Variants in POLA1 observed in about 807,000 individuals in gnomAD.
POLA1 encodes the protein DNA polymerase alpha 1, catalytic subunit, also known as DNA polymerase alpha catalytic subunit.
POLA1 carries 15 observed loss-of-function variants against 124.0 expected under a neutral mutation model. The ratio of observed to expected loss-of-function variants is 0.12; its 90% confidence interval spans 0.08 to 0.19. The LOEUF (loss-of-function observed/expected upper bound fraction) is 0.19. Ranked by LOEUF, POLA1 falls within the 10% of genes least tolerant of loss-of-function variation. The pLI, the probability that POLA1 is intolerant of heterozygous loss-of-function variation, is 1.00. For synonymous variants in POLA1, 408 were observed against 389.4 expected (o/e 1.05, Z -0.56); for missense variants, 886 against 1,103.4 (o/e 0.80, Z 2.79).
At chrX:24,866,295 A>G (rs2046794047) in intron 34 of POLA1, among the ~76,000 whole-genome samples, 3 of 112,034 alleles carry the variant, frequency 2.7e-5, no homozygotes, top group African/African-American at 6.5e-5. Context: ...AGTGGCCCGT[A>G]GCTTACCACT....
At chrX:24,694,084 C>T in intron 1 of POLA1, 80 bp downstream of exon 1, 1 of 954,077 alleles carries the variant, frequency 1.0e-6, no homozygotes, top group Non-Finnish European at 1.4e-6. Flanking sequence ...GAGGGAGGCG[C>T]ACACCCGGGT....
chrX:24,726,982 A>G lies in POLA1; in HGVS notation c.1442A>G (p.His481Arg). 2 of 1,192,891 alleles carry G rather than the reference A, an allele frequency of 1.7e-6. No individual in the cohort carries two copies. Reference protein sequence around the residue: ...PQDLKGETFSHVFGTNTSSLE... With the variant: ...PQDLKGETFSRVFGTNTSSLE... ...GATTTGAAAGGAGAAACTTTTTCTC[A>G]TGTATTTGGGACCAACACATCTAGC... The change falls in exon 14 of 37, where the codon CAT becomes CGT. Residue 481 changes from histidine to arginine, a missense_variant. This residue lies in a region of POLA1 where 337 missense variants were observed against 402.8 expected (regional missense o/e 0.84). Coordinates refer to ENST00000379068, the MANE Select transcript of POLA1 (RefSeq NM_001330360.2).
rs1363202820 is a variant in POLA1 at position 24,699,477 on chromosome X, A to G, written c.96A>G (p.Lys32=). The part of the protein sequence containing the change: ...FVSSRARREK[K]SKKGRQEALE... ...CTTCTCGAGCCCGGCGAGAAAAAAA[A>G]TCAAAGAAGGGGCGCCAAGAAGCCC... The change falls in exon 2 of 37, where the codon AAA becomes AAG. Residue 32 remains lysine (K), a synonymous_variant. Coordinates refer to ENST00000379068, the MANE Select transcript of POLA1 (RefSeq NM_001330360.2). 2 of 1,186,757 alleles carry G rather than the reference A, an allele frequency of 1.7e-6. No individual in the cohort carries two copies. The highest frequency in any genetic ancestry group is 1.8e-5 in the African/African-American group (1 of 56,510).
At chrX:24,930,302 A>G (rs768914984) in intron 35 of POLA1, 151 bp from the exon 36 acceptor site, 3 of 455,732 alleles carry the variant, frequency 6.6e-6, no homozygotes, top group African/African-American at 4.9e-5. Context: ...GGGACAAACC[A>G]TTAGTATGAT....
intron 26 of POLA1, among the ~76,000 whole-genome samples, chrX:24,774,451 C>T (rs767441508): frequency 5.4e-5 from 6 of 111,954 alleles, no homozygotes; most frequent in Non-Finnish European, 7.5e-5. Context: ...CAGTTTTGAC[C>T]ATGCCAGATG....
intron 35 of POLA1, among the ~76,000 whole-genome samples, chrX:24,927,776 C>T (rs776224493): frequency 8.9e-6 from 1 of 112,071 alleles, no homozygotes; most frequent in Admixed American, 9.4e-5. Context: ...GAAGTATTTT[C>T]CATCCAATCT....
At chrX:24,717,906 A>C in intron 10 of POLA1, 148 bp downstream of exon 10, 1 of 423,927 alleles carries the variant, frequency 2.4e-6, no homozygotes, top group Non-Finnish European at 3.9e-6. Flanking sequence ...TAAATACTTG[A>C]GTCACTGTAA....
chrX:24,843,736 A>G, intron 34 of POLA1, 59 bp downstream of exon 34: 1 of 866,305 alleles, frequency 1.2e-6, no homozygotes, highest in Non-Finnish European at 1.5e-6. Context: ...GTACTTGTTT[A>G]TTGGTTTTCA....
intron 35 of POLA1, among the ~76,000 whole-genome samples, chrX:24,906,582 C>CTTA (rs1485290155): frequency 9.0e-6 from 1 of 110,618 alleles, no homozygotes; most frequent in Non-Finnish European, 1.9e-5. Context: ...GTATACAATG[C>CTTA]TTAGGTGGTG....
chrX:24,917,486 A>G (rs969125441), intron 35 of POLA1, among the ~76,000 whole-genome samples: 1 of 111,789 alleles, frequency 8.9e-6, no homozygotes, highest in Non-Finnish European at 1.9e-5. Context: ...TTGAAAATAT[A>G]CCTACAATTA....
At chrX:24,879,743 T>G (rs1208182835) in intron 34 of POLA1, among the ~76,000 whole-genome samples, 1 of 111,841 alleles carries the variant, frequency 8.9e-6, no homozygotes, top group African/African-American at 3.2e-5. Context: ...TAAGAGAGGT[T>G]TTTTAGTTGC....
At position 24,968,565 on chromosome X, in the gene POLA1, T is replaced by C. The variant is rs780314832; in HGVS notation, c.4262-27240T>C. Among the ~76,000 whole-genome samples the C allele has an allele frequency of 3.7e-5, 4 of 109,267 alleles. No homozygotes were observed. In the South Asian group the frequency reaches 1.6e-3, roughly 44 times the overall value. The allele number at this position is 109,267 out of a possible 115,157, so 94.9% of individuals were successfully genotyped here. A position where few individuals can be genotyped will look rare whatever the true frequency, so the allele number is the denominator to read the frequency against. Reference sequence around the variant, plus strand: ...ATACAAAAAATTAGCTGGGCGTGCGTGGTGGCGGGTGCCTGTAGTCCCAGC... The same window carrying C: ...ATACAAAAAATTAGCTGGGCGTGCGCGGTGGCGGGTGCCTGTAGTCCCAGC... On this transcript the variant is annotated intron_variant, in intron 36 of 36. Transcript: ENST00000379068.
intron 36 of POLA1, among the ~76,000 whole-genome samples, chrX:24,942,021 G>A (rs2047913893): frequency 8.9e-6 from 1 of 111,953 alleles, no homozygotes; most frequent in Non-Finnish European, 1.9e-5. Flanking sequence ...CTGAACCCTT[G>A]CCCAGTTTAT....
intron 10 of POLA1, among the ~76,000 whole-genome samples, chrX:24,720,131 C>T (rs1231276502): frequency 8.9e-6 from 1 of 112,052 alleles, no homozygotes; most frequent in African/African-American, 3.2e-5. Flanking sequence ...GCTCTTTATA[C>T]CTGTGTTCCT....
intron 26 of POLA1, among the ~76,000 whole-genome samples, chrX:24,793,716 C>T (rs1002742503): frequency 3.6e-5 from 4 of 110,684 alleles, no homozygotes; most frequent in Admixed American, 2.9e-4. Flanking sequence ...TCCCAAGTAG[C>T]TGGAATTACA....
intron 4 of POLA1, among the ~76,000 whole-genome samples, chrX:24,711,654 A>G (rs1020530601): frequency 5.4e-5 from 6 of 111,050 alleles, no homozygotes; most frequent in East Asian, 2.8e-4. Context: ...CTGGAGTACA[A>G]TGGCGCGATC....
intron 8 of POLA1, 105 bp from the exon 9 acceptor site, chrX:24,717,185 C>A: frequency 1.5e-6 from 1 of 662,500 alleles, no homozygotes; most frequent in Non-Finnish European, 2.4e-6. Flanking sequence ...AAGGGACAGG[C>A]TGCTATTTTA....
Position 24,699,479 on chromosome X carries a change from C to A in POLA1, c.98C>A (p.Ser33Ter). ...TCTCGAGCCCGGCGAGAAAAAAAAT[C>A]AAAGAAGGGGCGCCAAGAAGCCCTA... ...VSSRARREKK[S>*]KKGRQEALER... The change falls in exon 2 of 37, where the codon TCA becomes TAA. Residue 33 changes from serine (S) to a stop codon, truncating the protein, a stop_gained. Transcript: ENST00000379068. LOFTEE classifies it high-confidence loss of function. 1 of 1,184,297 alleles carries A rather than the reference C, an allele frequency of 8.4e-7. No individual in the cohort carries two copies. The highest frequency in any genetic ancestry group is 1.1e-6 in the Non-Finnish European group (1 of 878,161).
rs771921224 is a variant in POLA1, at chrX:24,743,651, GGGTGGTACAAAAATAAGTA to G, written c.2566+326_2566+344del. On this transcript the variant is annotated intron_variant, in intron 23 of 36. Coordinates refer to ENST00000379068, the MANE Select transcript of POLA1 (RefSeq NM_001330360.2). ...ATGTAAAAACCATACTTAAGCTCATGGGTGGTACAAAAATAAGTAGGTTGGATTTGGTCTGTAGCCGTAG... is the reference window on the plus strand; with the variant it reads ...ATGTAAAAACCATACTTAAGCTCATGGGTTGGATTTGGTCTGTAGCCGTAG... Among the ~76,000 whole-genome samples, 5 of 111,416 alleles carry G rather than the reference GGGTGGTACAAAAATAAGTA, an allele frequency of 4.5e-5. No homozygotes were observed. The East Asian group carries it at 1.1e-3, about 25-fold the overall frequency.
Sources: allele counts gnomAD v4.1 joint callset (sites outside exome capture counted in the v4.1 genomes callset), GRCh38; gene constraint gnomAD v4.1.1; regional missense constraint gnomAD v4.1.1; transcripts MANE v1.5; gene names NCBI Gene and HGNC (gene_info 2026-07-23, HGNC 2026-07-21).